Variants in PCDHGA8 observed in about 807,000 individuals in gnomAD.
The protein encoded by PCDHGA8 is protocadherin gamma subfamily A, 8, also known as protocadherin gamma-A8.
In PCDHGA8, 45 loss-of-function variants were observed where a neutral mutation model predicts 59.2. The observed-to-expected ratio is 0.76, with a 90% CI of 0.60 to 0.98. PCDHGA8 has a LOEUF of 0.98. Ranked by LOEUF, PCDHGA8 falls within the 50% of genes least tolerant of loss-of-function variation. The probability of loss-of-function intolerance (pLI) is 0.00; values close to 1 mark genes in which losing one functional copy is unlikely to be tolerated. For synonymous variants in PCDHGA8, 531 were observed against 519.0 expected (o/e 1.02, Z -0.32); for missense variants, 1,257 against 1,196.2 (o/e 1.05, Z -0.75).
At chr5:141,408,791 G>C (rs1260366830) in intron 1 of PCDHGA8, 1 of 1,612,540 alleles carries the variant, frequency 6.2e-7, no homozygotes, top group East Asian at 2.2e-5. Context: ...GTTATCTCTG[G>C]AGAAACTCCT....
At chr5:141,503,363 G>A (rs2099819478) in intron 2 of PCDHGA8, among the ~76,000 whole-genome samples, 2 of 152,132 alleles carry the variant, frequency 1.3e-5, no homozygotes, top group East Asian at 1.9e-4. Context: ...TTGGGAAGCG[G>A]AGGCAGGTGG....
chr5:141,407,471 A>G (rs1343289603), intron 1 of PCDHGA8, among the ~76,000 whole-genome samples: 1 of 146,104 alleles, frequency 6.8e-6, no homozygotes, highest in African/African-American at 2.5e-5. Context: ...AGATGACTGA[A>G]TGGAGTATGG....
At chr5:141,488,031 A>G (rs1475176300) in intron 1 of PCDHGA8, among the ~76,000 whole-genome samples, 1 of 152,122 alleles carries the variant, frequency 6.6e-6, no homozygotes, top group Non-Finnish European at 1.5e-5. Context: ...CTAGGTTACC[A>G]TTTCCCAAGG....
intron 1 of PCDHGA8, chr5:141,411,432 AC>A (rs1483186233): frequency 6.6e-6 from 1 of 151,012 alleles, no homozygotes; most frequent in African/African-American, 2.4e-5. Context: ...ACAAAAAAAA[AC>A]ATTAGCAGAG....
intron 1 of PCDHGA8, chr5:141,415,377 C>A: frequency 1.2e-6 from 2 of 1,614,236 alleles, no homozygotes; most frequent in Non-Finnish European, 1.7e-6. Flanking sequence ...CTTCAGGAGG[C>A]GGCTTGACAG....
At chr5:141,414,097 T>C (rs1442366960) in intron 1 of PCDHGA8, 1 of 1,594,352 alleles carries the variant, frequency 6.3e-7, no homozygotes, top group South Asian at 1.1e-5. Context: ...AATAAAAATA[T>C]CAGAAAATCT....
chr5:141,400,743 C>G (rs1404866842), intron 1 of PCDHGA8: 1 of 611,332 alleles, frequency 1.6e-6, no homozygotes, highest in Non-Finnish European at 2.8e-6. Flanking sequence ...AGAGTTTGCT[C>G]TTAGCTTCCT....
intron 1 of PCDHGA8, chr5:141,478,545 A>T: frequency 6.2e-7 from 1 of 1,605,606 alleles, no homozygotes; most frequent in Admixed American, 1.7e-5. Context: ...CCTCCCGGAC[A>T]GGTAAGGTTT....
Position 141,431,668 on chromosome 5 carries a change from A to C in PCDHGA8, c.2424+36431A>C. ...ATTGTAATTCAGGGACAATATCAAC[A>C]ATAGGGGAGTTGGACCACGAGGAGT... is the stretch of plus-strand genomic sequence containing the variant. On this transcript the variant is annotated intron_variant, in intron 1 of 3. Coordinates refer to ENST00000398604, the MANE Select transcript of PCDHGA8 (RefSeq NM_032088.2). This position sits in a 1 kb window ranked among gnomAD's most constrained non-coding sequence, Gnocchi z 4.8. The C allele has an allele frequency of 6.2e-7, 1 of 1,614,208 alleles. No individual in the cohort carries two copies. Among genetic ancestry groups the C allele is most frequent in the Non-Finnish European group, 8.5e-7 (1 of 1,180,036 alleles).
chr5:141,446,191 T>C (rs2098492956), intron 1 of PCDHGA8, among the ~76,000 whole-genome samples: 1 of 152,206 alleles, frequency 6.6e-6, no homozygotes, highest in Non-Finnish European at 1.5e-5. Flanking sequence ...TGTTTATTAT[T>C]ATATTCCTAG....
Position 141,409,997 on chromosome 5 carries a change from G to A in PCDHGA8, c.2424+14760G>A. 1.9e-6 allele frequency: 3 copies of A among 1,613,224 alleles called. No homozygotes were observed. The African/African-American group carries it at 4.0e-5, about 22-fold the overall frequency. ...GGTGGTAGCGGTGGACGCCGACTCG[G>A]GACACAACGCCTGGCTGTCCTACCA... On this transcript the variant is annotated intron_variant, in intron 1 of 3. Coordinates refer to ENST00000398604, the MANE Select transcript of PCDHGA8 (RefSeq NM_032088.2).
rs1203945578 is a variant in PCDHGA8 at position 141,512,055 on chromosome 5, T to G, written c.*882T>G. 6.5e-6 allele frequency: 1 copy of G among 152,698 alleles called. No homozygotes were observed. The highest frequency in any genetic ancestry group is 1.5e-5 in the Non-Finnish European group (1 of 68,092). 9.5% of individuals were successfully genotyped at this position (152,698 alleles called of 1,614,324 possible). The stretch of plus-strand genomic sequence containing the variant: ...GAGGCTCTGTATGTCCTCAGGGGAC[T>G]GACAACATCCTCCAGATTCCAGCCA... On this transcript the variant is annotated 3_prime_UTR_variant, in exon 4 of 4. Transcript: ENST00000398604.
chr5:141,397,965 C>G (rs2093591451), intron 1 of PCDHGA8: 3 of 1,077,486 alleles, frequency 2.8e-6, no homozygotes, highest in South Asian at 1.7e-5. Context: ...AGCTCAGACT[C>G]CCCAGCGCCG....
rs1389786201 is a variant in PCDHGA8, at chr5:141,486,949, G to A, written c.2425-7858G>A. 4 of 1,614,224 alleles carry A rather than the reference G, an allele frequency of 2.5e-6. No individual in the cohort carries two copies. Among genetic ancestry groups the A allele is most frequent in the African/African-American group, 2.7e-5 (2 of 75,064 alleles). ...TTGGTGCTGGCCACCTAATCACAAA[G>A]GTGACTGCTGTGGACTTGGATTCAG... On this transcript the variant is annotated intron_variant, in intron 1 of 3. Coordinates refer to ENST00000398604, the MANE Select transcript of PCDHGA8 (RefSeq NM_032088.2). The surrounding 1 kb of genome is among the most constrained non-coding windows in gnomAD (Gnocchi z 5.0).
chr5:141,440,393 G>A (rs1444541990), intron 1 of PCDHGA8: 1 of 152,180 alleles, frequency 6.6e-6, no homozygotes, highest in Admixed American at 6.5e-5. Flanking sequence ...TTGAACCCGA[G>A]AGGCAATCGC....
intron 1 of PCDHGA8, chr5:141,409,921 G>C (rs767370997): frequency 2.7e-5 from 44 of 1,613,404 alleles, no homozygotes; most frequent in Non-Finnish European, 3.7e-5. Context: ...ACGGCTCCGC[G>C]TTCTTCGATA....
Position 141,431,520 on chromosome 5 carries a change from A to T in PCDHGA8, c.2424+36283A>T. ...GAGTACCGCGCGAGCGTTCCGGAGA[A>T]TCTGGCCTTGGGCACGCAGCTGCTT... On this transcript the variant is annotated intron_variant, in intron 1 of 3. Transcript: ENST00000398604. The surrounding 1 kb of genome is among the most constrained non-coding windows in gnomAD (Gnocchi z 4.8). 6.2e-7 allele frequency: 1 copy of T among 1,614,068 alleles called. No homozygotes were observed. Among genetic ancestry groups the T allele is most frequent in the Non-Finnish European group, 8.5e-7 (1 of 1,180,020 alleles).
intron 1 of PCDHGA8, chr5:141,415,515 G>C: frequency 6.2e-7 from 1 of 1,614,152 alleles, no homozygotes; most frequent in Non-Finnish European, 8.5e-7. Flanking sequence ...CCAATTATGC[G>C]GACACGCTCA....
chr5:141,498,523 G>A (rs555386753), intron 2 of PCDHGA8, among the ~76,000 whole-genome samples: 1 of 151,580 alleles, frequency 6.6e-6, no homozygotes, highest in Admixed American at 6.6e-5. Context: ...CTTGCCCACT[G>A]CCCTCCAGCC....
Sources: allele counts gnomAD v4.1 joint callset (sites outside exome capture counted in the v4.1 genomes callset), GRCh38; gene constraint gnomAD v4.1.1; non-coding constraint Gnocchi (gnomAD v3.1); transcripts MANE v1.5; gene names NCBI Gene and HGNC (gene_info 2026-07-23, HGNC 2026-07-21).